MKLN1: variants seen among roughly 807,000 people sequenced by gnomAD.
MKLN1 encodes the protein muskelin.
Under a neutral mutation model 99.0 loss-of-function variants are expected in MKLN1, and 18 were observed. The observed-to-expected ratio is 0.18, with a 90% confidence interval of 0.13 to 0.27. The LOEUF (loss-of-function observed/expected upper bound fraction) is 0.27. Among genes scored for constraint, MKLN1 ranks in the 10% least tolerant of loss-of-function variants. The probability of loss-of-function intolerance (pLI) is 1.00; values close to 1 mark genes in which losing one functional copy is unlikely to be tolerated. For synonymous variants in MKLN1, 288 were observed against 293.2 expected (o/e 0.98, Z 0.18); for missense variants, 621 against 875.9 (o/e 0.71, Z 3.67).
chr7:131,306,130 C>T (rs1798463572), intron 3 of MKLN1, among the ~76,000 whole-genome samples: 1 of 152,196 alleles, frequency 6.6e-6, no homozygotes, highest in African/African-American at 2.4e-5. Context: ...GCTTGCTTCT[C>T]CTTCACCTTC....
chr7:131,310,311 CAGATA>C (rs1798543062), intron 3 of MKLN1: 1 of 152,192 alleles, frequency 6.6e-6, no homozygotes, highest in African/African-American at 2.4e-5. Flanking sequence ...TTGCATTCTT[CAGATA>C]AAAGTTCTTT....
At chr7:131,262,276 A>G (rs1323897664) in intron 3 of MKLN1, among the ~76,000 whole-genome samples, 1 of 151,954 alleles carries the variant, frequency 6.6e-6, no homozygotes, top group African/African-American at 2.4e-5. Context: ...TCTACTAAAA[A>G]ATACAAAAAA....
At chr7:131,344,017 A>T in intron 1 of MKLN1, among the ~76,000 whole-genome samples, 1 of 152,210 alleles carries the variant, frequency 6.6e-6, no homozygotes, top group Non-Finnish European at 1.5e-5. Context: ...CATGTAAAAG[A>T]GAAAACAGCA....
chr7:131,202,578 T>C (rs893583009), intron 2 of MKLN1, among the ~76,000 whole-genome samples: 4 of 152,180 alleles, frequency 2.6e-5, no homozygotes, highest in Non-Finnish European at 4.4e-5. Context: ...TTCTTTGTTC[T>C]GGGGGACTGT....
intron 12 of MKLN1, among the ~76,000 whole-genome samples, chr7:131,446,462 T>C (rs551544930): frequency 1.3e-5 from 2 of 152,362 alleles, no homozygotes; most frequent in African/African-American, 4.8e-5. Context: ...TACATAGTAG[T>C]TGCTTTGCCT....
At chr7:131,404,854 C>T (rs1794654082) in intron 6 of MKLN1, among the ~76,000 whole-genome samples, 1 of 152,128 alleles carries the variant, frequency 6.6e-6, no homozygotes, top group Non-Finnish European at 1.5e-5. Context: ...GCCTTGGCCT[C>T]CCAAAGTGCT....
At chr7:131,271,435 G>A (rs1046393258) in intron 3 of MKLN1, among the ~76,000 whole-genome samples, 6 of 150,622 alleles carry the variant, frequency 4.0e-5, no homozygotes, top group Admixed American at 1.3e-4. Context: ...TCGCTAACAC[G>A]GTGAAACCGT....
In MKLN1 at chr7:131,327,980, C is replaced by G; in HGVS notation, c.81C>G (p.Ser27=). Residue 27 remains serine, a synonymous_variant, in exon 1 of 18, where the codon TCC becomes TCG. Transcript: ENST00000352689. ...CGCTACACAAGTGGAGCTCCTTTTCCTCCACCTACCTTCCCGAGTAAGTGC... is the reference window on the plus strand; with the variant it reads ...CGCTACACAAGTGGAGCTCCTTTTCGTCCACCTACCTTCCCGAGTAAGTGC... ...PYALHKWSSF[S]STYLPENILV... is the part of the protein sequence containing the mutation. The G allele has an allele frequency of 6.2e-7, 1 of 1,613,900 alleles. No individual in the cohort carries two copies.
intron 16 of MKLN1, chr7:131,471,879 G>C (rs1796829578): frequency 6.6e-6 from 1 of 152,176 alleles, no homozygotes; most frequent in Admixed American, 6.5e-5. Context: ...TCAAGCAATA[G>C]AGGCTGCATG....
At chr7:131,466,070 A>G (rs951026214) in intron 14 of MKLN1, among the ~76,000 whole-genome samples, 1 of 152,180 alleles carries the variant, frequency 6.6e-6, no homozygotes, top group Non-Finnish European at 1.5e-5. Flanking sequence ...TCACTTTGGC[A>G]TATGTGCAGT....
chr7:131,160,530 T>C (rs1682108331), intron 2 of MKLN1, among the ~76,000 whole-genome samples: 1 of 143,722 alleles, frequency 7.0e-6, no homozygotes. Context: ...ATTATTATTA[T>C]TATTTTGAGA....
rs1280081079 is a variant in MKLN1, at chr7:131,193,537, G to GTGTT, written c.-296-9310_-296-9307dup. Among the ~76,000 whole-genome samples the GTGTT allele has an allele frequency of 5.9e-5, 9 of 151,688 alleles. No homozygotes were observed. In the South Asian group the frequency reaches 6.3e-4, roughly 11 times the overall value. On this transcript the variant is annotated intron_variant, in intron 2 of 7. Transcript: ENST00000416992. The stretch of plus-strand genomic sequence containing the variant: ...GCGCACCACCATGACGAGCCAAGTT[G>GTGTT]TGTTTGTTTGTTTATTTTAGTAGAG...
chr7:131,478,295 G>A (rs972963620), intron 16 of MKLN1, among the ~76,000 whole-genome samples: 1 of 152,186 alleles, frequency 6.6e-6, no homozygotes, highest in African/African-American at 2.4e-5. Context: ...CTGTTCATAT[G>A]TGTTAGATTC....
intron 1 of MKLN1, among the ~76,000 whole-genome samples, chr7:131,372,638 A>C (rs182592318): frequency 1.7e-4 from 26 of 152,034 alleles, no homozygotes; most frequent in African/African-American, 6.0e-4. Flanking sequence ...ACATGTTATA[A>C]TTTAATCCTC....
intron 3 of MKLN1, among the ~76,000 whole-genome samples, chr7:131,308,316 C>G (rs1235462565): frequency 6.8e-6 from 1 of 146,998 alleles, no homozygotes; most frequent in Non-Finnish European, 1.5e-5. Context: ...GGCTGGAATG[C>G]AATGGCATGA....
upstream of MKLN1, among the ~76,000 whole-genome samples, chr7:131,325,258 A>C (rs1000479837): frequency 6.6e-6 from 1 of 152,184 alleles, no homozygotes. Flanking sequence ...AAATTAAAAT[A>C]TATTGTGATG....
At chr7:131,457,499 C>T (rs549184057) in intron 12 of MKLN1, among the ~76,000 whole-genome samples, 1 of 152,082 alleles carries the variant, frequency 6.6e-6, no homozygotes, top group Admixed American at 6.6e-5. Context: ...CAAGAGCACT[C>T]TTCCAGGAAA....
intron 1 of MKLN1, among the ~76,000 whole-genome samples, chr7:131,370,164 A>G (rs1460300280): frequency 6.6e-6 from 1 of 152,138 alleles, no homozygotes; most frequent in Non-Finnish European, 1.5e-5. Flanking sequence ...ATGATATTAG[A>G]CAGGAGTTAA....
intron 1 of MKLN1, among the ~76,000 whole-genome samples, chr7:131,140,365 T>C (rs1476310383): frequency 1.3e-5 from 2 of 152,138 alleles, no homozygotes; most frequent in East Asian, 3.9e-4. Flanking sequence ...AGCTTGGATA[T>C]TTGTGTCCTC....
Sources: gnomAD v4.1 joint callset for allele counts (sites outside exome capture counted in the v4.1 genomes callset) on GRCh38, gnomAD v4.1.1 for gene constraint, MANE v1.5 for transcripts, NCBI Gene and HGNC (gene_info 2026-07-23, HGNC 2026-07-21) for gene names.